The following OR56A3 variants were observed in gnomAD, a reference collection of about 807,000 sequenced individuals.
OR56A3 encodes the protein olfactory receptor family 56 subfamily A member 3, also known as olfactory receptor 56A3.
OR56A3 carries 23 observed loss-of-function variants against 17.5 expected under a neutral mutation model. The observed-to-expected ratio is 1.32, with a 90% CI of 0.95 to 1.87. The LOEUF (loss-of-function observed/expected upper bound fraction) is 1.87. Among genes scored for constraint, OR56A3 ranks in the 40% most tolerant of loss-of-function variants. The pLI is 0.00. For missense variants in OR56A3, 366 were observed against 380.1 expected (o/e 0.96, Z 0.31); for synonymous variants, 175 against 150.6 (o/e 1.16, Z -1.19).
the OR56A3 span, among the ~76,000 whole-genome samples, chr11:5,982,164 A>G: frequency 6.6e-6 from 1 of 152,108 alleles, no homozygotes; most frequent in African/African-American, 2.4e-5. Flanking sequence ...AGGGCAGCAC[A>G]TGTGCTGGCA....
At chr11:6,002,278 T>C in the OR56A3 span, 1 of 1,614,212 alleles carries the variant, frequency 6.2e-7, no homozygotes, top group Non-Finnish European at 8.5e-7. Context: ...CTCAAGGCCT[T>C]GGCCACAGCA....
chr11:6,002,611 C>T, the OR56A3 span: 21 of 1,614,196 alleles, frequency 1.3e-5, no homozygotes, highest in Non-Finnish European at 1.8e-5. Flanking sequence ...TGGCAGATGG[C>T]CACATAACGG....
chr11:5,967,206 A>T, the OR56A3 span: 2 of 208,428 alleles, frequency 9.6e-6, no homozygotes, highest in Non-Finnish European at 1.9e-5. Context: ...GTATTAAACA[A>T]TACAGGAATT....
At chr11:6,015,371 C>G in the OR56A3 span, among the ~76,000 whole-genome samples, 2 of 151,994 alleles carry the variant, frequency 1.3e-5, no homozygotes, top group Non-Finnish European at 2.9e-5. Flanking sequence ...TTCAAAGTGG[C>G]TCAGGTATAC....
chr11:6,003,555 A>G, the OR56A3 span, among the ~76,000 whole-genome samples: 1 of 152,312 alleles, frequency 6.6e-6, no homozygotes, highest in South Asian at 2.1e-4. Context: ...ACTCACACAC[A>G]CAACCACTCA....
the OR56A3 span, among the ~76,000 whole-genome samples, chr11:5,992,652 G>A: frequency 6.6e-6 from 1 of 152,136 alleles, no homozygotes; most frequent in East Asian, 1.9e-4. Flanking sequence ...TTGCCATGGT[G>A]CATGTAGGAC....
At chr11:6,018,794 CAAAAGA>C in the OR56A3 span, among the ~76,000 whole-genome samples, 2 of 151,216 alleles carry the variant, frequency 1.3e-5, no homozygotes, top group African/African-American at 4.9e-5. Context: ...CTAGACTAAT[CAAAAGA>C]AAAAGAGAGA....
At chr11:5,969,989 G>A in the OR56A3 span, among the ~76,000 whole-genome samples, 1 of 152,204 alleles carries the variant, frequency 6.6e-6, no homozygotes, top group African/African-American at 2.4e-5. Context: ...TATCTGTTCT[G>A]ACTCAAATGA....
the OR56A3 span, among the ~76,000 whole-genome samples, chr11:5,995,376 G>A: frequency 6.6e-6 from 1 of 152,154 alleles, no homozygotes; most frequent in Non-Finnish European, 1.5e-5. Context: ...CTACTGTGTT[G>A]AACAGCAGAG....
chr11:5,998,281 T>C, the OR56A3 span, among the ~76,000 whole-genome samples: 1 of 152,106 alleles, frequency 6.6e-6, no homozygotes, highest in East Asian at 1.9e-4. Flanking sequence ...ATAGAGATGG[T>C]TTCATTACAC....
chr11:5,968,210 G>A, the OR56A3 span: 1 of 1,614,242 alleles, frequency 6.2e-7, no homozygotes, highest in Admixed American at 1.7e-5. Flanking sequence ...CAGGGAAGCT[G>A]ATTGATCTGA....
chr11:5,962,304 T>G, the OR56A3 span, among the ~76,000 whole-genome samples: 43 of 152,310 alleles, frequency 2.8e-4, 1 homozygote, highest in East Asian at 8.1e-3. Context: ...CTAATGTTTT[T>G]AAAGATTTCT....
At chr11:5,996,967 G>A in the OR56A3 span, among the ~76,000 whole-genome samples, 1 of 152,164 alleles carries the variant, frequency 6.6e-6, no homozygotes, top group African/African-American at 2.4e-5. Flanking sequence ...GCCCAGGAGG[G>A]AGAAATCAAG....
the OR56A3 span, among the ~76,000 whole-genome samples, chr11:5,995,221 G>C: frequency 3.3e-5 from 5 of 152,208 alleles, no homozygotes; most frequent in African/African-American, 9.6e-5. Flanking sequence ...ACTTTAACAT[G>C]TAACCAATAT....
chr11:5,967,979 A>G, the OR56A3 span: 24 of 1,590,214 alleles, frequency 1.5e-5, no homozygotes, highest in Non-Finnish European at 1.9e-5. Flanking sequence ...TGTGTCCTGC[A>G]CAGTATCTGA....
chr11:5,965,751 A>G, the OR56A3 span, among the ~76,000 whole-genome samples: 1 of 152,234 alleles, frequency 6.6e-6, no homozygotes, highest in Non-Finnish European at 1.5e-5. Flanking sequence ...TGACTCAAGA[A>G]GGTCAGATTA....
At chr11:5,947,151 T>C (rs1847874837) in intron 2 of OR56A3, among the ~76,000 whole-genome samples, 160 bp from the exon 3 acceptor site, 1 of 152,122 alleles carries the variant, frequency 6.6e-6, no homozygotes, top group African/African-American at 2.4e-5. Context: ...CTGTTTAAAG[T>C]GATAGGAATA....
At chr11:6,007,656 AGT>A in the OR56A3 span, among the ~76,000 whole-genome samples, 1 of 152,212 alleles carries the variant, frequency 6.6e-6, no homozygotes, top group African/African-American at 2.4e-5. Context: ...AGAAAAAAAA[AGT>A]GTAAGGAAAC....
chr11:5,976,546 A>G, the OR56A3 span, among the ~76,000 whole-genome samples: 2 of 152,120 alleles, frequency 1.3e-5, no homozygotes, highest in Non-Finnish European at 2.9e-5. Context: ...AATCTGTAGT[A>G]GTAACACTTG....
Sources: allele counts gnomAD v4.1 joint callset (sites outside exome capture counted in the v4.1 genomes callset), GRCh38; gene constraint gnomAD v4.1.1; transcripts MANE v1.5; gene names NCBI Gene and HGNC (gene_info 2026-07-23, HGNC 2026-07-21).